F11: variants seen among roughly 807,000 people sequenced by gnomAD.
F11 encodes the protein coagulation factor XI.
A neutral mutation model predicts 76.5 loss-of-function variants in F11; 78 were observed. The observed-to-expected ratio is 1.02, with a 90% CI of 0.85 to 1.23. The LOEUF (loss-of-function observed/expected upper bound fraction) is 1.23. F11 is among the 50% of genes most tolerant of loss of function. The probability of loss-of-function intolerance (pLI) is 0.00; values close to 1 mark genes in which losing one functional copy is unlikely to be tolerated. For synonymous variants in F11, 278 were observed against 276.3 expected, an observed-to-expected ratio of 1.01 and a Z score of -0.06; for missense variants, 742 against 771.4, an observed-to-expected ratio of 0.96 and a Z score of 0.45.
At chr4:186,270,275 G>A (rs1200779829) in intron 2 of F11, among the ~76,000 whole-genome samples, 1 of 152,206 alleles carries the variant, frequency 6.6e-6, no homozygotes, top group Non-Finnish European at 1.5e-5. Context: ...GACACTAGAA[G>A]CAGCATGTGT....
intron 7 of F11, among the ~76,000 whole-genome samples, chr4:186,279,479 A>C (rs529306644): frequency 2.0e-5 from 3 of 152,340 alleles, no homozygotes; most frequent in South Asian, 4.1e-4. Flanking sequence ...GTTGGCAGTT[A>C]CTGTATTGGA....
At chr4:186,281,945 C>T (rs970306317) in intron 10 of F11, 21 of 1,279,672 alleles carry the variant, frequency 1.6e-5, no homozygotes, top group South Asian at 6.3e-5. Flanking sequence ...AGCTTAGAGG[C>T]GCTCCGATGA....
chr4:186,287,664 A>G lies in F11; in HGVS notation c.1577-20A>G. On this transcript the variant is annotated intron_variant, in intron 13 of 14. Coordinates refer to ENST00000403665, the MANE Select transcript of F11 (RefSeq NM_000128.4). ...TTGTGTATGGTTATTCTACAAACGA[A>G]CCAAAAAAATTTTTTTCAGACAAAA... is the stretch of plus-strand genomic sequence containing the variant. 1.3e-6 allele frequency: 2 copies of G among 1,598,734 alleles called. No individual in the cohort carries two copies. The highest frequency in any genetic ancestry group is 2.7e-5 in the African/African-American group (2 of 74,140).
Position 186,274,137 on chromosome 4 carries a change from T to A in F11, c.347T>A (p.Val116Glu). The A allele has an allele frequency of 6.2e-7, 1 of 1,614,178 alleles. No individual in the cohort carries two copies. The highest frequency in any genetic ancestry group is 2.2e-5 in the East Asian group (1 of 44,866). ...QISACNKDIY[V>E]DLDMKGINYN... ...CCAGCTTGCAACAAAGACATTTATGTGGACCTAGACATGAAGGGCATAAAC... is the reference window on the plus strand; with the variant it reads ...CCAGCTTGCAACAAAGACATTTATGAGGACCTAGACATGAAGGGCATAAAC... Residue 116 changes from valine (V) to glutamate (E), a missense_variant, in exon 5 of 15, where the codon GTG becomes GAG. Physicochemically the swap from Val to Glu is moderately radical, Grantham distance 121. Coordinates refer to ENST00000403665, the MANE Select transcript of F11 (RefSeq NM_000128.4).
At position 186,288,550 on chromosome 4, in the gene F11, C is replaced by A; in HGVS notation, c.1814C>A (p.Pro605Gln). Residue 605 changes from proline (P) to glutamine (Q), a missense_variant, in exon 15 of 15, where the codon CCA becomes CAA. Pro to Gln is a moderately conservative substitution (Grantham distance 76). Transcript: ENST00000403665. The stretch of plus-strand genomic sequence containing the variant: ...GAAGGCTGTGCTCAAAGGGAGCGGC[C>A]AGGTGTTTACACCAACGTGGTCGAG... ...WGEGCAQRERPGVYTNVVEYV... is the reference protein window; with the variant it reads ...WGEGCAQRERQGVYTNVVEYV... 1 of 1,614,106 alleles carries A rather than the reference C, an allele frequency of 6.2e-7. No homozygotes were observed. The highest frequency in any genetic ancestry group is 8.5e-7 in the Non-Finnish European group (1 of 1,180,030).
rs375193191 is a variant in F11 at position 186,286,285 on chromosome 4, C to A, written c.1481-130C>A. ...GCTGAACCTGAGGGAGGAAAATACACGACAACAAGGCAAAAAATGAATATA... is the reference window on the plus strand; with the variant it reads ...GCTGAACCTGAGGGAGGAAAATACAAGACAACAAGGCAAAAAATGAATATA... On this transcript the variant is annotated intron_variant, in intron 12 of 14. Transcript: ENST00000403665. The A allele has an allele frequency of 4.3e-6, 4 of 925,146 alleles. No homozygotes were observed. The African/African-American group carries it at 6.5e-5, about 15-fold the overall frequency. The allele number at this position is 925,146 out of a possible 1,614,324, so 57.3% of individuals were successfully genotyped here.
At position 186,274,777 on chromosome 4, in the gene F11, A is replaced by G. The variant is rs922242360; in HGVS notation, c.485+502A>G. 2.7e-5 allele frequency: 5 copies of G among 185,874 alleles called. No homozygotes were observed. The Admixed American group carries it at 2.7e-4, about 10-fold the overall frequency. 11.5% of individuals were successfully genotyped at this position (185,874 alleles called of 1,614,324 possible). ...TTTAAAAATTATCTGATCTCTAATA[A>G]CCAAATCTGTGTTCTCATCTTTAAA... On this transcript the variant is annotated intron_variant, in intron 5 of 14. Transcript: ENST00000403665.
rs372572261 is a variant in F11, at chr4:186,276,277, C to T, written c.642C>T (p.Asn214=). ...CTAATACGGTGTTTGCAGACAGCAA[C>T]ATCGACAGTGTCATGGCTCCCGATG... The part of the protein sequence containing the change: ...IFPNTVFADS[N]IDSVMAPDAF... The change falls in exon 7 of 15, where the codon AAC becomes AAT. Residue 214 remains asparagine, a synonymous_variant. Transcript: ENST00000403665. The T allele has an allele frequency of 4.6e-5, 75 of 1,614,020 alleles. No homozygotes were observed. Among genetic ancestry groups the T allele is most frequent in the Admixed American group, 6.7e-5 (4 of 59,990 alleles).
intron 7 of F11, among the ~76,000 whole-genome samples, chr4:186,276,905 A>C (rs976479265): frequency 5.3e-5 from 8 of 152,128 alleles, no homozygotes; most frequent in African/African-American, 1.9e-4. Context: ...TTTTAAAATA[A>C]ATATAAATAT....
At chr4:186,272,167 AG>A (rs1437296352) in intron 3 of F11, among the ~76,000 whole-genome samples, 2 of 152,180 alleles carry the variant, frequency 1.3e-5, no homozygotes. Context: ...TTTGAAAAAA[AG>A]TACAGTACAG....
In F11 at chr4:186,289,018, A is replaced by G. The variant is rs139159299; in HGVS notation, c.*404A>G. On this transcript the variant is annotated 3_prime_UTR_variant, in exon 15 of 15. Coordinates refer to ENST00000403665, the MANE Select transcript of F11 (RefSeq NM_000128.4). The stretch of plus-strand genomic sequence containing the variant: ...AAGATGAAAACTGGAAGAAAGGAGA[A>G]CAAAGACAGTCTTCACCATTTTGCA... The G allele has an allele frequency of 4.2e-3, 1,120 of 263,878 alleles. 6 individuals carry two copies. Among genetic ancestry groups the G allele is most frequent in the Non-Finnish European group, 6.3e-3 (849 of 134,360 alleles). 16.3% of individuals were successfully genotyped at this position (263,878 alleles called of 1,614,324 possible).
Position 186,271,742 on chromosome 4 carries a change from G to T in F11, c.189G>T (p.Ala63=), listed in dbSNP as rs140731806. ...GATGTTTACTCTTCACTTTCACGGC[G>T]GAATCACCATCTGAGGATCCCACCC... ...HPRCLLFTFT[A]ESPSEDPTRW... The change falls in exon 3 of 15, where the codon GCG becomes GCT. Residue 63 remains alanine (A), a synonymous_variant. Coordinates refer to ENST00000403665, the MANE Select transcript of F11 (RefSeq NM_000128.4). 15 of 1,614,076 alleles carry T rather than the reference G, an allele frequency of 9.3e-6. No homozygotes were observed. The highest frequency in any genetic ancestry group is 4.5e-5 in the East Asian group (2 of 44,886).
intron 7 of F11, among the ~76,000 whole-genome samples, chr4:186,277,159 T>C (rs1257020763): frequency 2.0e-5 from 3 of 152,238 alleles, no homozygotes; most frequent in African/African-American, 7.2e-5. Flanking sequence ...CTACAATATT[T>C]GACTTTCTGT....
At chr4:186,288,284 A>G (rs1741364985) in intron 14 of F11, 169 bp from the exon 15 acceptor site, 2 of 788,054 alleles carry the variant, frequency 2.5e-6, no homozygotes, top group Admixed American at 4.0e-5. Context: ...ACTTAGACTG[A>G]AATCAAAAGC....
chr4:186,280,426 C>T (rs779228400), intron 9 of F11, 41 bp downstream of exon 9: 1 of 1,614,200 alleles, frequency 6.2e-7, no homozygotes, highest in African/African-American at 1.3e-5. Context: ...CTTGTCCCGT[C>T]TGCCTGTGAG....
In F11 at chr4:186,286,648, G is replaced by A. The variant is rs1205127792; in HGVS notation, c.1576+138G>A. The A allele has an allele frequency of 2.7e-6, 4 of 1,486,944 alleles. No individual in the cohort carries two copies. In the African/African-American group the frequency reaches 5.6e-5, roughly 21 times the overall value. The allele number at this position is 1,486,944 out of a possible 1,614,324, so 92.1% of individuals were successfully genotyped here. A position where few individuals can be genotyped will look rare whatever the true frequency, so the allele number is the denominator to read the frequency against. On this transcript the variant is annotated intron_variant, in intron 13 of 14. Transcript: ENST00000403665. ...GGAAGCGGATTAATAAAGATGGAGAGGCAAAAATCACCCAAGTGAGGCTGG... is the reference window on the plus strand; with the variant it reads ...GGAAGCGGATTAATAAAGATGGAGAAGCAAAAATCACCCAAGTGAGGCTGG...
intron 4 of F11, 66 bp downstream of exon 4, chr4:186,273,243 G>A: frequency 7.9e-7 from 1 of 1,265,082 alleles, no homozygotes; most frequent in Non-Finnish European, 1.2e-6. Flanking sequence ...CATCGGATGT[G>A]GTTTTAAGGC....
Position 186,289,494 on chromosome 4 carries a change from A to T in F11, c.*880A>T, listed in dbSNP as rs1352122020. Among the ~76,000 whole-genome samples, 1 of 152,176 alleles carries T rather than the reference A, an allele frequency of 6.6e-6. No individual in the cohort carries two copies. The highest frequency in any genetic ancestry group is 2.4e-5 in the African/African-American group (1 of 41,436). On this transcript the variant is annotated 3_prime_UTR_variant, in exon 15 of 15. Coordinates refer to ENST00000403665, the MANE Select transcript of F11 (RefSeq NM_000128.4). ...TCCATACTACAGAGAAAAAACAATT[A>T]GGGCGCAAATGGATAGTTACAGTAA...
At position 186,271,864 on chromosome 4, in the gene F11, A is replaced by G. The variant is rs772677441; in HGVS notation, c.218+93A>G. The stretch of plus-strand genomic sequence containing the variant: ...TCCATCTAACATTTTATAAAATTTA[A>G]CATTAACAACTGGAAGATAAATTGT... On this transcript the variant is annotated intron_variant, in intron 3 of 14. Coordinates refer to ENST00000403665, the MANE Select transcript of F11 (RefSeq NM_000128.4). The G allele has an allele frequency of 2.2e-6, 3 of 1,342,904 alleles. No individual in the cohort carries two copies. The East Asian group carries it at 6.9e-5, about 31-fold the overall frequency. 83.2% of individuals were successfully genotyped at this position (1,342,904 alleles called of 1,614,324 possible). A position where few individuals can be genotyped will look rare whatever the true frequency, so the allele number is the denominator to read the frequency against.
Sources: allele counts gnomAD v4.1 joint callset (sites outside exome capture counted in the v4.1 genomes callset), GRCh38; gene constraint gnomAD v4.1.1; transcripts MANE v1.5; gene names NCBI Gene and HGNC (gene_info 2026-07-23, HGNC 2026-07-21).